Variants in CUX1 observed in about 807,000 individuals in gnomAD.
CUX1 encodes the protein cut like homeobox 1.
CUX1 carries 31 observed loss-of-function variants against 158.8 expected under a neutral mutation model. The ratio of observed to expected loss-of-function variants is 0.20; its 90% CI spans 0.15 to 0.26. The LOEUF (loss-of-function observed/expected upper bound fraction) is 0.26, where lower values mean the gene tolerates loss of function less well. CUX1 is among the 10% of genes least tolerant of loss of function. The pLI, the probability that CUX1 is intolerant of heterozygous loss-of-function variation, is 1.00. For synonymous variants in CUX1, 879 were observed against 862.1 expected (o/e 1.02, Z -0.34); for missense variants, 1,589 against 2,014.6 (o/e 0.79, Z 4.04).
chr7:101,933,756 A>G (rs552758867), intron 2 of CUX1, among the ~76,000 whole-genome samples: 1 of 152,304 alleles, frequency 6.6e-6, no homozygotes, highest in East Asian at 1.9e-4. Context: ...CAGAAATAGC[A>G]GTGTTCTTGG....
At chr7:101,893,021 GTCT>G (rs1316926873) in intron 1 of CUX1, among the ~76,000 whole-genome samples, 1 of 151,930 alleles carries the variant, frequency 6.6e-6, no homozygotes, top group African/African-American at 2.4e-5. Flanking sequence ...GAGAAATACC[GTCT>G]TCTTGTATTT....
At chr7:101,922,903 G>T (rs1358645362) in intron 2 of CUX1, among the ~76,000 whole-genome samples, 1 of 152,256 alleles carries the variant, frequency 6.6e-6, no homozygotes, top group African/African-American at 2.4e-5. Flanking sequence ...CTGGAAGCCT[G>T]GTGGTGTTAG....
chr7:102,050,143 G>C (rs534872686), intron 3 of CUX1, among the ~76,000 whole-genome samples: 2 of 152,252 alleles, frequency 1.3e-5, no homozygotes, highest in East Asian at 3.9e-4. Context: ...ACAAATCACT[G>C]ATCTTGGAGT....
chr7:102,038,918 C>T (rs1325686661), intron 3 of CUX1, among the ~76,000 whole-genome samples: 1 of 152,018 alleles, frequency 6.6e-6, no homozygotes, highest in Non-Finnish European at 1.5e-5. Context: ...GCACCCCAGC[C>T]TAGGAGACAG....
Position 102,028,340 on chromosome 7 carries a change from G to A in CUX1, c.189+195G>A, listed in dbSNP as rs375314462. ...TGGGTCCTTGGTGAAAGCCCTCCTG[G>A]AAAAGGAAGCTATGCTCAGAATACA... On this transcript the variant is annotated intron_variant, in intron 3 of 23. Transcript: ENST00000292535. Among the ~76,000 whole-genome samples the A allele has an allele frequency of 3.9e-5, 6 of 152,318 alleles. No individual in the cohort carries two copies. The East Asian group carries it at 5.8e-4, about 15-fold the overall frequency.
chr7:102,250,154 T>C lies in CUX1; in HGVS notation c.*1112T>C, dbSNP rs1406058548. ...AGCACGCTGATCAGACCTCATATCT[T>C]GGAGGTTTAGGAGACAAGTTAGAAC... is the stretch of plus-strand genomic sequence containing the variant. On this transcript the variant is annotated 3_prime_UTR_variant, in exon 24 of 24. Coordinates refer to ENST00000292535, the MANE Select transcript of CUX1 (RefSeq NM_181552.4). The C allele has an allele frequency of 2.0e-6, 2 of 985,320 alleles. No homozygotes were observed. The highest frequency in any genetic ancestry group is 2.3e-4 in the East Asian group (2 of 8,830). 61.0% of individuals were successfully genotyped at this position (985,320 alleles called of 1,614,324 possible).
intron 1 of CUX1, among the ~76,000 whole-genome samples, chr7:101,881,541 T>G (rs1411973156): frequency 6.6e-6 from 1 of 152,340 alleles, no homozygotes; most frequent in East Asian, 1.9e-4. Context: ...GCTCTTATCT[T>G]TGTCCTTTTT....
chr7:102,028,890 C>T (rs1028167713), intron 3 of CUX1, among the ~76,000 whole-genome samples: 7 of 151,068 alleles, frequency 4.6e-5, no homozygotes, highest in South Asian at 2.1e-4. Flanking sequence ...CTTCTCCCGA[C>T]GGAAAAACAG....
chr7:102,280,460 G>A (rs1013408725), intron 19 of CUX1, among the ~76,000 whole-genome samples: 1 of 152,310 alleles, frequency 6.6e-6, no homozygotes, highest in Non-Finnish European at 1.5e-5. Context: ...GGAAAAACCA[G>A]TTACAGCTCC....
rs571767527 is a variant in CUX1 at position 102,244,230 on chromosome 7, C to T, written c.3888-4182C>T. ...CCCTAACCAAGAACGTAGTTTTTTA[C>T]GTTCTTTTCTCAGGGGTTAAACAGG... is the stretch of plus-strand genomic sequence containing the variant. On this transcript the variant is annotated intron_variant, in intron 23 of 23. Transcript: ENST00000292535. Among the ~76,000 whole-genome samples the T allele has an allele frequency of 6.6e-5, 10 of 152,168 alleles. No homozygotes were observed. The South Asian group carries it at 8.3e-4, about 13-fold the overall frequency.
At chr7:101,849,063 C>T (rs1172111617) in intron 1 of CUX1, among the ~76,000 whole-genome samples, 3 of 152,112 alleles carry the variant, frequency 2.0e-5, no homozygotes, top group African/African-American at 4.8e-5. Flanking sequence ...TCCTTGGCAG[C>T]AGGTTTGGCC....
At chr7:102,008,357 C>T (rs1817624401) in intron 2 of CUX1, among the ~76,000 whole-genome samples, 1 of 151,698 alleles carries the variant, frequency 6.6e-6, no homozygotes, top group African/African-American at 2.4e-5. Context: ...CTAGAAAGCC[C>T]CCCCACCTCT....
intron 3 of CUX1, among the ~76,000 whole-genome samples, chr7:102,067,873 T>C (rs1176808314): frequency 6.6e-6 from 1 of 150,998 alleles, no homozygotes; most frequent in African/African-American, 2.4e-5. Flanking sequence ...AAAAAAAAAT[T>C]AGCTGGGCAT....
chr7:101,965,095 C>A (rs753283825), intron 2 of CUX1, among the ~76,000 whole-genome samples: 1 of 152,192 alleles, frequency 6.6e-6, no homozygotes, highest in Admixed American at 6.5e-5. Context: ...AAGTCATTCC[C>A]GTGCCTTGCC....
intron 2 of CUX1, among the ~76,000 whole-genome samples, chr7:102,013,199 T>G (rs953286846): frequency 2.0e-5 from 3 of 151,228 alleles, no homozygotes; most frequent in Non-Finnish European, 4.4e-5. Context: ...CTTGTGTGGC[T>G]GAGACGTAGA....
chr7:101,849,180 G>C (rs1796010508), intron 1 of CUX1, among the ~76,000 whole-genome samples: 1 of 151,862 alleles, frequency 6.6e-6, no homozygotes. Flanking sequence ...TCACGTCATT[G>C]TTCATGGATA....
chr7:102,168,498 T>C (rs1791299680), intron 9 of CUX1, among the ~76,000 whole-genome samples: 1 of 151,468 alleles, frequency 6.6e-6, no homozygotes, highest in African/African-American at 2.4e-5. Context: ...AACACAAAAA[T>C]TAGCCAGGCA....
rs140410473 is a variant in CUX1, at chr7:101,927,479, G to A, written c.141+11254G>A. Among the ~76,000 whole-genome samples the A allele has an allele frequency of 2.3e-3, 347 of 152,128 alleles. 2 individuals carry two copies. Among genetic ancestry groups the A allele is most frequent in the African/African-American group, 8.0e-3 (332 of 41,508 alleles). ...TTGAGACCAGCTGGGGCAACATAGC[G>A]AGACCCCATCTCTACAAAAAAATGA... On this transcript the variant is annotated intron_variant, in intron 2 of 23. Coordinates refer to ENST00000292535, the MANE Select transcript of CUX1 (RefSeq NM_181552.4).
At chr7:102,177,370 C>T (rs928837206) in intron 10 of CUX1, among the ~76,000 whole-genome samples, 4 of 149,972 alleles carry the variant, frequency 2.7e-5, no homozygotes, top group Non-Finnish European at 4.4e-5. Flanking sequence ...GCCGAGATCG[C>T]GCCACTGCAC....
Sources: allele counts gnomAD v4.1 joint callset (sites outside exome capture counted in the v4.1 genomes callset), GRCh38; gene constraint gnomAD v4.1.1; transcripts MANE v1.5; gene names NCBI Gene and HGNC (gene_info 2026-07-23, HGNC 2026-07-21).